CNOT6L: variants seen among roughly 807,000 people sequenced by gnomAD.
CNOT6L encodes the protein CCR4-NOT transcription complex subunit 6 like.
Under a neutral mutation model 64.0 loss-of-function variants are expected in CNOT6L, and 7 were observed. The ratio of observed to expected loss-of-function variants is 0.11; its 90% CI spans 0.06 to 0.21. CNOT6L has a LOEUF of 0.21. Ranked by LOEUF, CNOT6L falls within the 10% of genes least tolerant of loss-of-function variation. CNOT6L has a pLI of 1.00. For synonymous variants in CNOT6L, 193 were observed against 243.4 expected, an observed-to-expected ratio of 0.79 and a Z score of 1.93; for missense variants, 245 against 669.0, an observed-to-expected ratio of 0.37 and a Z score of 6.99.
chr4:77,744,629 A>G, intron 7 of CNOT6L, 89 bp downstream of exon 7: 1 of 1,155,176 alleles, frequency 8.7e-7, no homozygotes, highest in Non-Finnish European at 1.2e-6. Flanking sequence ...CTTTGGCTCT[A>G]AACACAGGAT....
intron 1 of CNOT6L, among the ~76,000 whole-genome samples, chr4:77,777,296 T>C (rs564760891): frequency 3.9e-5 from 6 of 152,238 alleles, no homozygotes; most frequent in Non-Finnish European, 8.8e-5. Flanking sequence ...AGCACAGTCA[T>C]GTGTGGTTTA....
intron 1 of CNOT6L, among the ~76,000 whole-genome samples, chr4:77,818,500 T>C (rs1225230388): frequency 6.6e-6 from 1 of 150,820 alleles, no homozygotes; most frequent in Non-Finnish European, 1.5e-5. Context: ...AAATCCAAAA[T>C]ATTTACTCAG....
At chr4:77,729,363 T>TA (rs1473934318) in intron 9 of CNOT6L, among the ~76,000 whole-genome samples, 1 of 152,220 alleles carries the variant, frequency 6.6e-6, no homozygotes, top group East Asian at 1.9e-4. Context: ...ATCTGTCATT[T>TA]AAATAGCACA....
At chr4:77,736,820 GA>G (rs576201253) in intron 8 of CNOT6L, among the ~76,000 whole-genome samples, 1 of 148,216 alleles carries the variant, frequency 6.7e-6, no homozygotes, top group Admixed American at 6.7e-5. Flanking sequence ...TCACATTTTT[GA>G]AAAAAAAACT....
At chr4:77,784,285 C>A (rs149258120) in intron 1 of CNOT6L, among the ~76,000 whole-genome samples, 1 of 152,076 alleles carries the variant, frequency 6.6e-6, no homozygotes, top group Non-Finnish European at 1.5e-5. Flanking sequence ...AAACAGAGAC[C>A]AGACCTGGGG....
intron 9 of CNOT6L, among the ~76,000 whole-genome samples, chr4:77,729,352 T>TA (rs1722191900): frequency 6.6e-6 from 1 of 152,218 alleles, no homozygotes. Flanking sequence ...GCCCTTTAAA[T>TA]ATCTGTCATT....
intron 1 of CNOT6L, among the ~76,000 whole-genome samples, chr4:77,790,406 T>C (rs1394137221): frequency 6.6e-6 from 1 of 152,230 alleles, no homozygotes; most frequent in Non-Finnish European, 1.5e-5. Context: ...ATAAGTTTTT[T>C]ATTCATTTGG....
At chr4:77,730,089 G>A (rs185210876) in intron 9 of CNOT6L, among the ~76,000 whole-genome samples, 4 of 152,036 alleles carry the variant, frequency 2.6e-5, no homozygotes, top group Admixed American at 6.6e-5. Context: ...CTATAGAAGC[G>A]TCTCAAATTT....
chr4:77,716,201 G>T lies in CNOT6L; in HGVS notation c.*4230C>A, dbSNP rs746465200. ...TTTCTGTCAAAATGTAAGTATGTAT[G>T]AGTGCTATTTTGAAAATGTGCCATA... On this transcript the variant is annotated 3_prime_UTR_variant, in exon 12 of 12. Coordinates refer to ENST00000504123, the MANE Select transcript of CNOT6L (RefSeq NM_144571.3). The T allele has an allele frequency of 6.6e-6, 1 of 152,084 alleles. No homozygotes were observed. Among genetic ancestry groups the T allele is most frequent in the African/African-American group, 2.4e-5 (1 of 41,454 alleles). 9.4% of individuals were successfully genotyped at this position (152,084 alleles called of 1,614,324 possible).
At chr4:77,804,671 T>C (rs1732016409) in intron 1 of CNOT6L, among the ~76,000 whole-genome samples, 1 of 152,172 alleles carries the variant, frequency 6.6e-6, no homozygotes, top group African/African-American at 2.4e-5. Flanking sequence ...TGTTCTGGAA[T>C]TTGCTTGTAG....
chr4:77,735,235 G>C (rs562635594), intron 8 of CNOT6L, among the ~76,000 whole-genome samples: 1 of 152,122 alleles, frequency 6.6e-6, no homozygotes, highest in Non-Finnish European at 1.5e-5. Context: ...ACTTTTCTCC[G>C]TATGTCCAAT....
At chr4:77,816,994 A>T (rs1266146171) in intron 1 of CNOT6L, among the ~76,000 whole-genome samples, 1 of 152,192 alleles carries the variant, frequency 6.6e-6, no homozygotes, top group Non-Finnish European at 1.5e-5. Flanking sequence ...ATATTCAGAG[A>T]AATATTCTAA....
chr4:77,816,927 A>G (rs1733646521), intron 1 of CNOT6L, among the ~76,000 whole-genome samples: 1 of 152,206 alleles, frequency 6.6e-6, no homozygotes, highest in Admixed American at 6.5e-5. Context: ...CCTACTCCAG[A>G]GAAAATACTA....
At chr4:77,766,558 A>G (rs1726843046) in intron 4 of CNOT6L, among the ~76,000 whole-genome samples, 1 of 151,988 alleles carries the variant, frequency 6.6e-6, no homozygotes, top group East Asian at 1.9e-4. Flanking sequence ...AAAAAAAGCC[A>G]TAATTTTCAG....
intron 1 of CNOT6L, chr4:77,819,048 C>CAACACACACACACACACACA: frequency 1.9e-6 from 1 of 526,586 alleles, no homozygotes; most frequent in Non-Finnish European, 3.3e-6. Context: ...GGGCCACCCC[C>CAACACACACACACACACACA]GACACACACA....
At position 77,715,651 on chromosome 4, in the gene CNOT6L, A is replaced by G. The variant is rs965366876; in HGVS notation, c.*4780T>C. ...AAAAAAGGTATTTGGTTAAAACAAGAAATATGCATGCTCTTCCTTACCACC... is the reference window on the plus strand; with the variant it reads ...AAAAAAGGTATTTGGTTAAAACAAGGAATATGCATGCTCTTCCTTACCACC... On this transcript the variant is annotated 3_prime_UTR_variant, in exon 12 of 12. Coordinates refer to ENST00000504123, the MANE Select transcript of CNOT6L (RefSeq NM_144571.3). The G allele has an allele frequency of 6.6e-6, 1 of 152,530 alleles. No homozygotes were observed. The highest frequency in any genetic ancestry group is 2.4e-5 in the African/African-American group (1 of 41,434). 9.4% of individuals were successfully genotyped at this position (152,530 alleles called of 1,614,324 possible).
At chr4:77,818,789 G>C (rs1046048962) in intron 1 of CNOT6L, among the ~76,000 whole-genome samples, 1 of 151,978 alleles carries the variant, frequency 6.6e-6, no homozygotes, top group South Asian at 2.1e-4. Flanking sequence ...GGCGTCCGGG[G>C]AGGTGGGCGG....
intron 4 of CNOT6L, among the ~76,000 whole-genome samples, chr4:77,761,458 C>T (rs1375337230): frequency 6.6e-6 from 1 of 152,200 alleles, no homozygotes; most frequent in Non-Finnish European, 1.5e-5. Flanking sequence ...TTGGAAAATG[C>T]TACCAATCAT....
At chr4:77,751,828 A>G (rs1336487989) in intron 5 of CNOT6L, among the ~76,000 whole-genome samples, 1 of 152,226 alleles carries the variant, frequency 6.6e-6, no homozygotes, top group African/African-American at 2.4e-5. Flanking sequence ...TAAAGATGTT[A>G]ACAGACAAAG....
Sources: gnomAD v4.1 joint callset for allele counts (sites outside exome capture counted in the v4.1 genomes callset) on GRCh38, gnomAD v4.1.1 for gene constraint, MANE v1.5 for transcripts, NCBI Gene and HGNC (gene_info 2026-07-23, HGNC 2026-07-21) for gene names.